The following SHANK2 variants were observed in gnomAD, a reference collection of about 807,000 sequenced individuals.
The protein encoded by SHANK2 is SH3 and multiple ankyrin repeat domains protein 2.
SHANK2 carries 43 observed loss-of-function variants against 133.7 expected under a neutral mutation model. The ratio of observed to expected loss-of-function variants is 0.32; its 90% CI spans 0.25 to 0.41. The LOEUF is 0.41. Ranked by LOEUF, SHANK2 falls within the 10% of genes least tolerant of loss-of-function variation. SHANK2 has a pLI of 1.00. For synonymous variants in SHANK2, 1,017 were observed against 952.8 expected (o/e 1.07, Z -1.24); for missense variants, 1,994 against 2,235.8 (o/e 0.89, Z 2.18).
intron 17 of SHANK2, among the ~76,000 whole-genome samples, chr11:70,644,632 C>T (rs918983796): frequency 6.6e-6 from 1 of 152,232 alleles, no homozygotes; most frequent in Non-Finnish European, 1.5e-5. Context: ...CTTGGAAGAA[C>T]ACACCTTTCC....
chr11:70,571,976 C>T (rs2136183200), intron 17 of SHANK2, among the ~76,000 whole-genome samples: 1 of 152,264 alleles, frequency 6.6e-6, no homozygotes, highest in East Asian at 1.9e-4. Context: ...GAGACTGAGC[C>T]CTTGTGATGG....
At chr11:70,583,565 C>T (rs1018103963) in intron 17 of SHANK2, among the ~76,000 whole-genome samples, 8 of 152,172 alleles carry the variant, frequency 5.3e-5, no homozygotes, top group African/African-American at 7.2e-5. Flanking sequence ...GCCAGGAAAG[C>T]GCAGCTAAAT....
At chr11:70,543,121 G>A (rs2059643728) in intron 17 of SHANK2, among the ~76,000 whole-genome samples, 1 of 152,220 alleles carries the variant, frequency 6.6e-6, no homozygotes, top group African/African-American at 2.4e-5. Context: ...AACTGGAACT[G>A]CAGTTTGATG....
chr11:70,686,912 C>A (rs1028493034), intron 15 of SHANK2, among the ~76,000 whole-genome samples: 3 of 152,246 alleles, frequency 2.0e-5, no homozygotes, highest in African/African-American at 4.8e-5. Context: ...TGGAGAGGCA[C>A]CCCTTGGCCT....
chr11:70,811,566 TCCATCCATCCATCTACCCATCCATCCAC>T (rs1948278805), intron 12 of SHANK2, among the ~76,000 whole-genome samples: 1 of 151,824 alleles, frequency 6.6e-6, no homozygotes, highest in Admixed American at 6.6e-5. Flanking sequence ...CATCGATCCA[TCCATCCATCCATCTACCCATCCATCCAC>T]CCATCCATCC....
chr11:71,156,033 C>T (rs1241642803), intron 2 of SHANK2, among the ~76,000 whole-genome samples: 2 of 152,176 alleles, frequency 1.3e-5, no homozygotes, highest in African/African-American at 2.4e-5. Flanking sequence ...GGGGTGCATG[C>T]GCACAGAGGG....
intron 17 of SHANK2, among the ~76,000 whole-genome samples, chr11:70,546,284 G>A (rs1428659339): frequency 6.6e-6 from 1 of 151,830 alleles, no homozygotes; most frequent in Non-Finnish European, 1.5e-5. Context: ...TTAATCATTG[G>A]CCAATGGCAA....
At position 70,943,039 on chromosome 11, in the gene SHANK2, T is replaced by C. The variant is rs1281969039; in HGVS notation, c.1108-46472A>G. ...TACAGAAAAGGTACCCAGCAAGTAC[T>C]GTGGGAATCAAAATAAAAGCTTCCT... On this transcript the variant is annotated intron_variant, in intron 10 of 25. Transcript: ENST00000601538. The C allele has an allele frequency of 1.1e-5, 5 of 456,502 alleles. No individual in the cohort carries two copies. In the Admixed American group the frequency reaches 1.2e-4, roughly 11 times the overall value. 28.3% of individuals were successfully genotyped at this position (456,502 alleles called of 1,614,324 possible).
intron 14 of SHANK2, among the ~76,000 whole-genome samples, chr11:70,728,092 G>C (rs149847627): frequency 6.6e-6 from 1 of 152,326 alleles, no homozygotes; most frequent in East Asian, 1.9e-4. Context: ...AGAACAGGCA[G>C]GTGTATGCGG....
At chr11:70,555,151 T>C (rs2136101223) in intron 17 of SHANK2, among the ~76,000 whole-genome samples, 1 of 152,230 alleles carries the variant, frequency 6.6e-6, no homozygotes, top group South Asian at 2.1e-4. Context: ...TCGATAAATA[T>C]TGTGTGTTCT....
intron 14 of SHANK2, among the ~76,000 whole-genome samples, chr11:70,783,099 G>A (rs1181838992): frequency 2.0e-5 from 3 of 152,148 alleles, no homozygotes; most frequent in Non-Finnish European, 2.9e-5. Context: ...GAGAGACAGA[G>A]GCTGTCTGCA....
chr11:70,653,575 A>C lies in SHANK2; in HGVS notation c.2061+6253T>G, dbSNP rs2061366619. The stretch of plus-strand genomic sequence containing the variant: ...CTCCTGCCTCAGCCTTCCAAAAAAA[A>C]AAAAAAAAAAAAAAGAAAGAAAATG... On this transcript the variant is annotated intron_variant, in intron 17 of 25. Coordinates refer to ENST00000601538, the MANE Select transcript of SHANK2 (RefSeq NM_012309.5). Among the ~76,000 whole-genome samples the C allele has an allele frequency of 2.0e-5, 3 of 151,286 alleles. No homozygotes were observed. The South Asian group carries it at 6.2e-4, about 31-fold the overall frequency.
intron 11 of SHANK2, among the ~76,000 whole-genome samples, chr11:70,842,430 C>T (rs533734649): frequency 5.3e-5 from 8 of 152,328 alleles, no homozygotes; most frequent in South Asian, 2.1e-4. Flanking sequence ...ACTGGGGTTT[C>T]GCTGTGCCAC....
intron 10 of SHANK2, chr11:70,942,675 AC>A: frequency 2.2e-6 from 1 of 456,910 alleles, no homozygotes; most frequent in Non-Finnish European, 4.4e-6. Flanking sequence ...ACATTCAGGG[AC>A]AGATACTTCT....
At chr11:70,711,020 G>A (rs1591773576) in intron 14 of SHANK2, among the ~76,000 whole-genome samples, 2 of 152,200 alleles carry the variant, frequency 1.3e-5, no homozygotes, top group Non-Finnish European at 2.9e-5. Context: ...GGGAGGGAGA[G>A]GCATGTGGGT....
rs1948196997 is a variant in SHANK2, at chr11:70,807,898, A to G, written c.1494-727T>C. On this transcript the variant is annotated intron_variant, in intron 12 of 25. Coordinates refer to ENST00000601538, the MANE Select transcript of SHANK2 (RefSeq NM_012309.5). The surrounding 1 kb of genome is among the most constrained non-coding windows in gnomAD (Gnocchi z 4.8). Reference sequence around the variant, plus strand: ...AACCTTGGGGACACTGCTCAGTGAGATACACCAGACACAAAAGAACACAGA... The same window carrying G: ...AACCTTGGGGACACTGCTCAGTGAGGTACACCAGACACAAAAGAACACAGA... 6.6e-6 allele frequency among the ~76,000 whole-genome samples: 1 copy of G among 152,088 alleles called. No homozygotes were observed. The highest frequency in any genetic ancestry group is 2.1e-4 in the South Asian group (1 of 4,830).
intron 23 of SHANK2, 39 bp downstream of exon 23, chr11:70,490,237 C>T: frequency 1.3e-6 from 2 of 1,554,162 alleles, no homozygotes; most frequent in Non-Finnish European, 1.8e-6. Context: ...GTTTGAAAGC[C>T]CAGGGGCAAC....
At chr11:70,543,177 C>G (rs1413742537) in intron 17 of SHANK2, among the ~76,000 whole-genome samples, 1 of 152,188 alleles carries the variant, frequency 6.6e-6, no homozygotes, top group Non-Finnish European at 1.5e-5. Flanking sequence ...GAGAAAGGCA[C>G]GGAGGAGCCA....
chr11:70,897,188 G>GT (rs1265820314), intron 10 of SHANK2, among the ~76,000 whole-genome samples: 8 of 152,160 alleles, frequency 5.3e-5, no homozygotes, highest in Non-Finnish European at 1.0e-4. Context: ...AGTCAGGCAG[G>GT]TAAAGCCAAG....
Sources: gnomAD v4.1 joint callset for allele counts (sites outside exome capture counted in the v4.1 genomes callset) on GRCh38, gnomAD v4.1.1 for gene constraint, Gnocchi (gnomAD v3.1) non-coding constraint, MANE v1.5 for transcripts, NCBI Gene and HGNC (gene_info 2026-07-23, HGNC 2026-07-21) for gene names.